MGLL: variants seen among roughly 807,000 people sequenced by gnomAD.
The protein encoded by MGLL is monoglyceride lipase, also known as lysophospholipase homolog.
MGLL carries 7 observed loss-of-function variants against 29.1 expected under a neutral mutation model. The ratio of observed to expected loss-of-function variants is 0.24; its 90% CI spans 0.14 to 0.45. MGLL has a LOEUF of 0.45. Among genes scored for constraint, MGLL ranks in the 20% least tolerant of loss-of-function variants. The pLI, the probability that MGLL is intolerant of heterozygous loss-of-function variation, is 0.99. For synonymous variants in MGLL, 148 were observed against 168.3 expected (o/e 0.88, Z 0.93); for missense variants, 356 against 413.6 (o/e 0.86, Z 1.21).
intron 3 of MGLL, among the ~76,000 whole-genome samples, chr3:127,770,383 A>G (rs746392076): frequency 6.6e-6 from 1 of 152,096 alleles, no homozygotes; most frequent in Non-Finnish European, 1.5e-5. Context: ...GAAATATTGT[A>G]CAGAAAAAGA....
chr3:127,703,689 A>G (rs2075543642), intron 6 of MGLL, among the ~76,000 whole-genome samples: 1 of 152,268 alleles, frequency 6.6e-6, no homozygotes, highest in African/African-American at 2.4e-5. Context: ...AAAGAAAAAC[A>G]GATAAACTGG....
Position 127,721,134 on chromosome 3 carries a change from T to C in MGLL, c.429A>G (p.Ala143=). ...MGGAIAILTA[A]ERPGHFAGMV... is the part of the protein sequence containing the mutation. ...TGCCGGCGAAGTGGCCCGGCCTCTC[T>C]GCGGCCGTGAGGATGGCGATGGCGC... The change falls in exon 5 of 8, where the codon GCA becomes GCG. Residue 143 remains alanine, a synonymous_variant. Coordinates refer to ENST00000265052, the MANE Select transcript of MGLL (RefSeq NM_007283.7). The C allele has an allele frequency of 6.2e-7, 1 of 1,614,230 alleles. No individual in the cohort carries two copies. Among genetic ancestry groups the C allele is most frequent in the Non-Finnish European group, 8.5e-7 (1 of 1,180,042 alleles).
chr3:127,799,483 G>T (rs2077440689), intron 2 of MGLL: 1 of 152,194 alleles, frequency 6.6e-6, no homozygotes, highest in Admixed American at 6.5e-5. Context: ...CTCAGAGTGG[G>T]TGAGAAGGTG....
intron 2 of MGLL, among the ~76,000 whole-genome samples, chr3:127,819,442 G>A (rs530378623): frequency 1.5e-4 from 23 of 152,258 alleles, no homozygotes; most frequent in East Asian, 1.2e-3. Context: ...TAGCAGAGGC[G>A]GGGCTGGAGA....
intron 3 of MGLL, among the ~76,000 whole-genome samples, chr3:127,756,361 A>T (rs1046407377): frequency 9.2e-5 from 14 of 152,188 alleles, no homozygotes; most frequent in African/African-American, 3.4e-4. Context: ...TATGCAAATT[A>T]ACTGGTCCAG....
At chr3:127,818,411 C>T (rs746964915) in intron 2 of MGLL, among the ~76,000 whole-genome samples, 3 of 150,568 alleles carry the variant, frequency 2.0e-5, no homozygotes, top group Non-Finnish European at 4.4e-5. Context: ...AATTTCAACA[C>T]GTTGCCCAGG....
chr3:127,764,098 T>G (rs1231923226), intron 3 of MGLL, among the ~76,000 whole-genome samples: 2 of 152,216 alleles, frequency 1.3e-5, no homozygotes, highest in Admixed American at 6.5e-5. Context: ...CCATGCCTGA[T>G]GCTGAAGTTG....
intron 3 of MGLL, among the ~76,000 whole-genome samples, chr3:127,753,941 G>T (rs1198833570): frequency 1.3e-5 from 2 of 152,226 alleles, no homozygotes; most frequent in African/African-American, 2.4e-5. Context: ...CCAGGTGTAA[G>T]CCCTGTCTTC....
rs187425218 is a variant in MGLL, at chr3:127,708,568, G to C, written c.600+2008C>G. Among the ~76,000 whole-genome samples, 130 of 152,334 alleles carry C rather than the reference G, an allele frequency of 8.5e-4. 2 individuals carry two copies. The highest frequency in any genetic ancestry group is 8.5e-3 in the Admixed American group (130 of 15,302). On this transcript the variant is annotated intron_variant, in intron 6 of 7. Transcript: ENST00000265052. The stretch of plus-strand genomic sequence containing the variant: ...AGAGAGGGTTTGGAATCTCTTTTTA[G>C]TACCTGTTTTTTTCTTCCTCTTTGC...
At position 127,800,434 on chromosome 3, in the gene MGLL, T is replaced by G. The variant is rs534623454; in HGVS notation, c.156-18539A>C. Among the ~76,000 whole-genome samples, 33 of 152,346 alleles carry G rather than the reference T, an allele frequency of 2.2e-4. No individual in the cohort carries two copies. In the East Asian group the frequency reaches 6.4e-3, roughly 29 times the overall value. ...TCTAGGCTCTGTGACTTCCTACTTC[T>G]GTGAGTTTGGGCAAGTTGCTGAACT... On this transcript the variant is annotated intron_variant, in intron 2 of 7. Transcript: ENST00000265052.
chr3:127,815,699 ACCC>A (rs2077742352), intron 2 of MGLL, among the ~76,000 whole-genome samples: 1 of 152,148 alleles, frequency 6.6e-6, no homozygotes, highest in African/African-American at 2.4e-5. Context: ...AGGAGCTGCG[ACCC>A]AGCCCACACT....
At chr3:127,787,077 C>G (rs760460985) in intron 2 of MGLL, among the ~76,000 whole-genome samples, 4 of 152,228 alleles carry the variant, frequency 2.6e-5, no homozygotes, top group African/African-American at 7.2e-5. Context: ...GGCTCAGGAT[C>G]GAGGCTTCTG....
chr3:127,786,706 T>G (rs896645261), intron 2 of MGLL, among the ~76,000 whole-genome samples: 4 of 152,272 alleles, frequency 2.6e-5, no homozygotes, highest in Non-Finnish European at 5.9e-5. Context: ...CTAACCTCTC[T>G]GGGCCTCAGT....
intron 3 of MGLL, among the ~76,000 whole-genome samples, chr3:127,773,860 G>A (rs936967034): frequency 1.3e-5 from 2 of 151,966 alleles, no homozygotes; most frequent in African/African-American, 4.8e-5. Flanking sequence ...TTATTCCTAG[G>A]GTCGCCACCC....
chr3:127,747,304 C>T (rs2076466246), intron 3 of MGLL, among the ~76,000 whole-genome samples: 1 of 152,168 alleles, frequency 6.6e-6, no homozygotes, highest in African/African-American at 2.4e-5. Flanking sequence ...ATCTGAAACA[C>T]CCCTCCACCC....
intron 3 of MGLL, among the ~76,000 whole-genome samples, chr3:127,781,452 T>C (rs540116062): frequency 1.3e-5 from 2 of 152,268 alleles, no homozygotes; most frequent in Non-Finnish European, 2.9e-5. Context: ...ACAATGCCCA[T>C]TTGAGGGCAC....
intron 7 of MGLL, among the ~76,000 whole-genome samples, chr3:127,693,942 C>T (rs1434598776): frequency 2.6e-5 from 4 of 152,282 alleles, no homozygotes; most frequent in African/African-American, 9.6e-5. Flanking sequence ...CAGTGATGCT[C>T]TCATGGATGA....
chr3:127,735,994 A>G, intron 3 of MGLL: 1 of 1,423,574 alleles, frequency 7.0e-7, no homozygotes, highest in African/African-American at 1.4e-5. Flanking sequence ...CCTTCACGCT[A>G]AAAGCTCCCA....
At chr3:127,730,175 C>T (rs192585727) in intron 3 of MGLL, among the ~76,000 whole-genome samples, 37 of 152,300 alleles carry the variant, frequency 2.4e-4, no homozygotes, top group African/African-American at 6.3e-4. Context: ...TGTTATATCC[C>T]GGTAGGGGTG....
Sources: gnomAD v4.1 joint callset for allele counts (sites outside exome capture counted in the v4.1 genomes callset) on GRCh38, gnomAD v4.1.1 for gene constraint, MANE v1.5 for transcripts, NCBI Gene and HGNC (gene_info 2026-07-23, HGNC 2026-07-21) for gene names.